Variants in RBFOX1 observed in about 807,000 individuals in gnomAD.
The protein encoded by RBFOX1 is RNA binding protein fox-1 homolog 1.
RBFOX1 carries 8 observed loss-of-function variants against 57.7 expected under a neutral mutation model. That is an observed-to-expected ratio of 0.14 (90% CI 0.08 to 0.25). RBFOX1 has a LOEUF of 0.25. Ranked by LOEUF, RBFOX1 falls within the 10% of genes least tolerant of loss-of-function variation. RBFOX1 has a pLI of 1.00. For missense variants in RBFOX1, 611 were observed against 548.5 expected, an observed-to-expected ratio of 1.11 and a Z score of -1.14; for synonymous variants, 326 against 222.4, an observed-to-expected ratio of 1.47 and a Z score of -4.15.
At chr16:7,118,602 A>C (rs2066435928) in intron 4 of RBFOX1, among the ~76,000 whole-genome samples, 1 of 152,178 alleles carries the variant, frequency 6.6e-6, no homozygotes, top group Non-Finnish European at 1.5e-5. Flanking sequence ...TTATATAATC[A>C]CATACATGTA....
intron 1 of RBFOX1, among the ~76,000 whole-genome samples, chr16:5,449,431 C>T (rs1052491872): frequency 2.0e-5 from 3 of 152,148 alleles, no homozygotes; most frequent in African/African-American, 4.8e-5. Context: ...TGTATATTGT[C>T]ATGATTCTTT....
chr16:7,446,735 A>T (rs1191338217), intron 4 of RBFOX1, among the ~76,000 whole-genome samples: 3 of 151,874 alleles, frequency 2.0e-5, no homozygotes, highest in Non-Finnish European at 4.4e-5. Context: ...TTACTAAAGA[A>T]GACCCTCCAC....
chr16:5,418,121 G>T (rs2067210511), intron 1 of RBFOX1, among the ~76,000 whole-genome samples: 1 of 152,000 alleles, frequency 6.6e-6, no homozygotes, highest in South Asian at 2.1e-4. Context: ...AAACTATGCA[G>T]AAATGTCCTT....
chr16:6,437,058 C>G (rs551143527), intron 2 of RBFOX1, among the ~76,000 whole-genome samples: 42 of 152,232 alleles, frequency 2.8e-4, no homozygotes, highest in African/African-American at 1.0e-3. Context: ...GGCTCTTTGG[C>G]TATTTTCAAG....
intron 1 of RBFOX1, among the ~76,000 whole-genome samples, chr16:6,254,126 C>T (rs530499366): frequency 1.4e-4 from 22 of 152,082 alleles, no homozygotes; most frequent in African/African-American, 4.8e-4. Context: ...GATGGAGGTT[C>T]GTGGGCCTGT....
intron 6 of RBFOX1, among the ~76,000 whole-genome samples, chr16:7,583,886 A>G (rs185320614): frequency 0.022 from 3,410 of 152,030 alleles, 60 homozygotes; most frequent in Middle Eastern, 0.041. Context: ...ATGGTCCACT[A>G]AACCTCTCTT....
chr16:7,058,572 TTGTGTG>T (rs111658690), intron 4 of RBFOX1, among the ~76,000 whole-genome samples: 1 of 150,736 alleles, frequency 6.6e-6, no homozygotes, highest in South Asian at 2.1e-4. Flanking sequence ...TTTCATAAGT[TTGTGTG>T]TGTGTGTGTG....
At chr16:6,661,640 A>G (rs1653087301) in intron 3 of RBFOX1, among the ~76,000 whole-genome samples, 1 of 152,202 alleles carries the variant, frequency 6.6e-6, no homozygotes, top group South Asian at 2.1e-4. Context: ...GCCCAGAGAA[A>G]GACCCAGAGA....
intron 3 of RBFOX1, among the ~76,000 whole-genome samples, chr16:5,863,650 G>T (rs1373265030): frequency 6.6e-6 from 1 of 152,130 alleles, no homozygotes; most frequent in South Asian, 2.1e-4. Flanking sequence ...CGTAGAGAGG[G>T]TTCTAGATAC....
intron 4 of RBFOX1, among the ~76,000 whole-genome samples, chr16:7,431,775 A>G (rs1157528058): frequency 6.6e-6 from 1 of 152,208 alleles, no homozygotes; most frequent in Non-Finnish European, 1.5e-5. Flanking sequence ...CCTGCTTTAG[A>G]CCCACATTAC....
chr16:7,691,369 CA>C (rs57950781), intron 14 of RBFOX1, among the ~76,000 whole-genome samples: 4,193 of 111,580 alleles, frequency 0.038, 194 homozygotes, highest in African/African-American at 0.12. Flanking sequence ...CATAGGTTTT[CA>C]AAAAAAAAAA....
At chr16:6,800,642 A>C (rs1408771304) in intron 3 of RBFOX1, among the ~76,000 whole-genome samples, 1 of 152,272 alleles carries the variant, frequency 6.6e-6, no homozygotes, top group Admixed American at 6.5e-5. Flanking sequence ...CTTTGCAATT[A>C]CTTTTTTCTC....
intron 4 of RBFOX1, among the ~76,000 whole-genome samples, chr16:7,108,521 C>T (rs150313675): frequency 3.3e-5 from 5 of 152,024 alleles, no homozygotes; most frequent in African/African-American, 1.2e-4. Context: ...TTTCTAGGTA[C>T]TGAGTATATG....
chr16:5,822,540 A>C (rs1294901022), intron 3 of RBFOX1, among the ~76,000 whole-genome samples: 1 of 152,246 alleles, frequency 6.6e-6, no homozygotes, highest in Non-Finnish European at 1.5e-5. Flanking sequence ...TATAGCATAG[A>C]TCCTATAGCT....
intron 2 of RBFOX1, among the ~76,000 whole-genome samples, chr16:6,432,674 C>G (rs1489510305): frequency 6.6e-6 from 1 of 150,602 alleles, no homozygotes; most frequent in African/African-American, 2.4e-5. Context: ...AGATTGAGAC[C>G]CTGTCTCAAG....
At chr16:6,224,677 G>A (rs926124306) in intron 1 of RBFOX1, among the ~76,000 whole-genome samples, 10 of 152,124 alleles carry the variant, frequency 6.6e-5, no homozygotes, top group African/African-American at 1.7e-4. Context: ...CTAATTGAAT[G>A]TGTGTGAAGA....
At chr16:7,102,595 C>T (rs1238784578) in intron 4 of RBFOX1, among the ~76,000 whole-genome samples, 3 of 152,038 alleles carry the variant, frequency 2.0e-5, no homozygotes, top group Admixed American at 6.6e-5. Flanking sequence ...AGGCAGTGAT[C>T]GATTGATTGG....
In RBFOX1 at chr16:7,590,243, G is replaced by A. The variant is rs146281179; in HGVS notation, c.468+2943G>A. Among the ~76,000 whole-genome samples, 724 of 151,708 alleles carry A rather than the reference G, an allele frequency of 4.8e-3. 6 individuals are homozygous for A. Among genetic ancestry groups the A allele is most frequent in the African/African-American group, 0.017 (694 of 41,424 alleles). On this transcript the variant is annotated intron_variant, in intron 7 of 15. Transcript: ENST00000550418. ...GATTGCACCACTGCATTCCAGCTTGGGTGACAGAGTGAGTCCTTATCTCAG... is the reference window on the plus strand; with the variant it reads ...GATTGCACCACTGCATTCCAGCTTGAGTGACAGAGTGAGTCCTTATCTCAG...
chr16:7,269,285 C>A (rs1014937581), intron 4 of RBFOX1, among the ~76,000 whole-genome samples: 8 of 152,070 alleles, frequency 5.3e-5, no homozygotes, highest in African/African-American at 1.9e-4. Flanking sequence ...CCCTTTTAAC[C>A]CATTTTAAAT....
Sources: gnomAD v4.1 joint callset for allele counts (sites outside exome capture counted in the v4.1 genomes callset) on GRCh38, gnomAD v4.1.1 for gene constraint, MANE v1.5 for transcripts, NCBI Gene and HGNC (gene_info 2026-07-23, HGNC 2026-07-21) for gene names.